POMC: variants seen among roughly 807,000 people sequenced by gnomAD.
The protein encoded by POMC is proopiomelanocortin.
Under a neutral mutation model 18.5 loss-of-function variants are expected in POMC, and 19 were observed. That is an observed-to-expected ratio of 1.03 (90% CI 0.72 to 1.51). The LOEUF (loss-of-function observed/expected upper bound fraction) is 1.51, where lower values mean the gene tolerates loss of function less well. Ranked by LOEUF, POMC falls within the 40% of genes most tolerant of loss-of-function variation. The pLI, the probability that POMC is intolerant of heterozygous loss-of-function variation, is 0.00. For synonymous variants in POMC, 179 were observed against 161.9 expected (o/e 1.11, Z -0.80); for missense variants, 451 against 379.0 (o/e 1.19, Z -1.58).
In POMC at chr2:25,161,261, G is replaced by T. The variant is rs1422785520; in HGVS notation, c.624C>A (p.Ser208Arg). The T allele has an allele frequency of 6.2e-7, 1 of 1,612,152 alleles. No homozygotes were observed. Among genetic ancestry groups the T allele is most frequent in the South Asian group, 1.1e-5 (1 of 90,824 alleles). Residue 208 changes from serine to arginine, a missense_variant, in exon 3 of 3, where the codon AGC (serine) becomes AGA (arginine). Coordinates refer to ENST00000395826, the MANE Select transcript of POMC (RefSeq NM_000939.4). This position sits in a 1 kb window ranked among gnomAD's most constrained non-coding sequence, Gnocchi z 5.7. The part of the protein sequence containing the change: ...GAGAQADLEH[S>R]LLVAAEKKDE... ...CCTTCTTCTCGGCCGCCACCAGCAG[G>T]CTGTGCTCCAGGTCGGCCTGGGCCC...
rs1364780962 is a variant in POMC at position 25,161,987 on chromosome 2, C to A, written c.133-235G>T. Among the ~76,000 whole-genome samples the A allele has an allele frequency of 6.6e-6, 1 of 152,216 alleles. No individual in the cohort carries two copies. Among genetic ancestry groups the A allele is most frequent in the Non-Finnish European group, 1.5e-5 (1 of 68,034 alleles). Reference sequence around the variant, plus strand: ...ACTGCCTCTTTTGTCCCATCCCCTTCATGCTTCTGCCTGGCAACTGCAACA... The same window carrying A: ...ACTGCCTCTTTTGTCCCATCCCCTTAATGCTTCTGCCTGGCAACTGCAACA... On this transcript the variant is annotated intron_variant, in intron 2 of 2. Transcript: ENST00000395826. This position sits in a 1 kb window ranked among gnomAD's most constrained non-coding sequence, Gnocchi z 5.7.
At position 25,168,477 on chromosome 2, in the gene POMC, T is replaced by C. The variant is rs1192402618; in HGVS notation, c.-21+21A>G. 1 of 151,746 alleles carries C rather than the reference T, an allele frequency of 6.6e-6. No homozygotes were observed. The highest frequency in any genetic ancestry group is 1.5e-5 in the Non-Finnish European group (1 of 67,936). 9.4% of individuals were successfully genotyped at this position (151,746 alleles called of 1,614,324 possible). On this transcript the variant is annotated intron_variant, in intron 1 of 2. Coordinates refer to ENST00000395826, the MANE Select transcript of POMC (RefSeq NM_000939.4). The surrounding 1 kb of genome is among the most constrained non-coding windows in gnomAD (Gnocchi z 5.2). ...GGGGATCCCGGGGAAAGAGCACGGG[T>C]CCCCCACGCTGCGCCCTTACCTGTC...
At position 25,161,367 on chromosome 2, in the gene POMC, G is replaced by A. The variant is rs924300699; in HGVS notation, c.518C>T (p.Pro173Leu). 8.1e-6 allele frequency: 13 copies of A among 1,606,292 alleles called. No homozygotes were observed. The highest frequency in any genetic ancestry group is 1.1e-5 in the Non-Finnish European group (13 of 1,176,752). The change falls in exon 3 of 3, where the codon CCC becomes CTC. Residue 173 changes from proline to leucine, a missense_variant. Coordinates refer to ENST00000395826, the MANE Select transcript of POMC (RefSeq NM_000939.4). The surrounding 1 kb of genome is among the most constrained non-coding windows in gnomAD (Gnocchi z 5.7). ...AGTCAGCTCCCTCTTGAACTCCAGG[G>A]GGAAGGCCTCGGCCGACTCGTCCTC... ...GAEDESAEAF[P>L]LEFKRELTGQ...
At chr2:25,166,126 C>T (rs1193860659) in intron 1 of POMC, among the ~76,000 whole-genome samples, 1 of 152,246 alleles carries the variant, frequency 6.6e-6, no homozygotes, top group Admixed American at 6.5e-5. Context: ...CCACTTCCTT[C>T]TCTCTACCCC....
chr2:25,161,101 C>T lies in POMC; in HGVS notation c.784G>A (p.Ala262Thr), dbSNP rs145696771. The T allele has an allele frequency of 2.5e-6, 4 of 1,613,754 alleles. No homozygotes were observed. The highest frequency in any genetic ancestry group is 3.4e-6 in the Non-Finnish European group (4 of 1,180,014). Residue 262 changes from alanine to threonine, a missense_variant, in exon 3 of 3, where the codon GCC becomes ACC. By Grantham distance (58) the Ala-to-Thr change is moderately conservative (BLOSUM62 0). Coordinates refer to ENST00000395826, the MANE Select transcript of POMC (RefSeq NM_000939.4). The surrounding 1 kb of genome is among the most constrained non-coding windows in gnomAD (Gnocchi z 5.7). ...TGCCCTCACTCGCCCTTCTTGTAGG[C>T]GTTCTTGATGATGGCGTTTTTGAAC... Reference protein sequence around the residue: ...TLFKNAIIKNAYKKGE With the variant: ...TLFKNAIIKNTYKKGE
Position 25,168,468 on chromosome 2 carries a change from G to C in POMC, c.-21+30C>G, listed in dbSNP as rs1671635498. ...ACGGGGACAGGGGATCCCGGGGAAA[G>C]AGCACGGGTCCCCCACGCTGCGCCC... On this transcript the variant is annotated intron_variant, in intron 1 of 2. Transcript: ENST00000395826. This position sits in a 1 kb window ranked among gnomAD's most constrained non-coding sequence, Gnocchi z 5.2. The C allele has an allele frequency of 6.6e-6, 1 of 152,262 alleles. No individual in the cohort carries two copies. The highest frequency in any genetic ancestry group is 1.5e-5 in the Non-Finnish European group (1 of 68,070). The allele number at this position is 152,262 out of a possible 1,614,324, so 9.4% of individuals were successfully genotyped here.
rs202042867 is a variant in POMC, at chr2:25,161,630, G to C, written c.255C>G (p.Asp85Glu). The C allele has an allele frequency of 7.0e-5, 108 of 1,553,332 alleles. No homozygotes were observed. In the African/African-American group the frequency reaches 1.3e-3, roughly 19 times the overall value. Residue 85 changes from aspartate (D) to glutamate (E), a missense_variant, in exon 3 of 3, where the codon GAC (aspartate) becomes GAG (glutamate). Physicochemically the swap from Asp to Glu is conservative, Grantham distance 45 (BLOSUM62 2). Coordinates refer to ENST00000395826, the MANE Select transcript of POMC (RefSeq NM_000939.4). The surrounding 1 kb of genome is among the most constrained non-coding windows in gnomAD (Gnocchi z 5.7). ...TGCTGCTGTTGCGGCGGCCGAATCG[G>C]TCCCAGCGGAAGTGGCCCATGACGT... ...RKYVMGHFRW[D>E]RFGRRNSSSS...
chr2:25,165,110 T>C (rs1288272355), intron 1 of POMC, among the ~76,000 whole-genome samples: 3 of 152,198 alleles, frequency 2.0e-5, no homozygotes, highest in Admixed American at 2.0e-4. Context: ...GATGGGAAAA[T>C]TGAAGCCCAA....
rs1259228711 is a variant in POMC at position 25,161,136 on chromosome 2, A to T, written c.749T>A (p.Leu250Gln). 1 of 1,608,252 alleles carries T rather than the reference A, an allele frequency of 6.2e-7. No individual in the cohort carries two copies. The highest frequency in any genetic ancestry group is 8.5e-7 in the Non-Finnish European group (1 of 1,178,910). The change falls in exon 3 of 3, where the codon CTG (leucine) becomes CAG (glutamine). Residue 250 changes from leucine to glutamine, a missense_variant. Coordinates refer to ENST00000395826, the MANE Select transcript of POMC (RefSeq NM_000939.4). This position sits in a 1 kb window ranked among gnomAD's most constrained non-coding sequence, Gnocchi z 5.7. ...FMTSEKSQTP[L>Q]VTLFKNAIIK... is the part of the protein sequence containing the mutation. ...GATGGCGTTTTTGAACAGCGTCACC[A>T]GGGGCGTCTGGCTCTTCTCGGAGGT...
At chr2:25,167,471 GGA>G (rs1671594911) in intron 1 of POMC, among the ~76,000 whole-genome samples, 1 of 152,124 alleles carries the variant, frequency 6.6e-6, no homozygotes, top group Non-Finnish European at 1.5e-5. Flanking sequence ...CCTCAACCCA[GGA>G]TCTGCGCCAT....
At position 25,161,300 on chromosome 2, in the gene POMC, G is replaced by T; in HGVS notation, c.585C>A (p.Ala195=). 6 of 1,609,950 alleles carry T rather than the reference G, an allele frequency of 3.7e-6. No individual in the cohort carries two copies. The highest frequency in any genetic ancestry group is 1.3e-5 in the African/African-American group (1 of 74,988). The change falls in exon 3 of 3, where the codon GCC becomes GCA. Residue 195 remains alanine, a synonymous_variant. Coordinates refer to ENST00000395826, the MANE Select transcript of POMC (RefSeq NM_000939.4). The surrounding 1 kb of genome is among the most constrained non-coding windows in gnomAD (Gnocchi z 5.7). Reference sequence around the variant, plus strand: ...CGGCCTGGGCCCCTGCGCCGTCATCGGCAGGGCCGTCGGGGCCATCTCCCT... The same window carrying T: ...CGGCCTGGGCCCCTGCGCCGTCATCTGCAGGGCCGTCGGGGCCATCTCCCT... ...LREGDGPDGP[A]DDGAGAQADL... is the part of the protein sequence containing the mutation.
intron 1 of POMC, 83 bp from the exon 2 acceptor site, chr2:25,164,875 C>T: frequency 2.1e-6 from 3 of 1,444,756 alleles, no homozygotes; most frequent in Non-Finnish European, 1.9e-6. Context: ...CTTGAGCCAA[C>T]ATTAACAACA....
At chr2:25,167,545 G>A (rs907733013) in intron 1 of POMC, among the ~76,000 whole-genome samples, 3 of 152,198 alleles carry the variant, frequency 2.0e-5, no homozygotes, top group Admixed American at 2.0e-4. Flanking sequence ...TCAGGATCTA[G>A]GACAGCTCCC....
rs774779177 is a variant in POMC at position 25,161,048 on chromosome 2, G to A, written c.*33C>T. ...CAAGGGGCTTTGGGGTCGACCTCCT[G>A]GGGGAGGGTAGCCCTGGGGCCCCGC... On this transcript the variant is annotated 3_prime_UTR_variant, in exon 3 of 3. Coordinates refer to ENST00000395826, the MANE Select transcript of POMC (RefSeq NM_000939.4). This position sits in a 1 kb window ranked among gnomAD's most constrained non-coding sequence, Gnocchi z 5.7. 3 of 1,613,650 alleles carry A rather than the reference G, an allele frequency of 1.9e-6. No individual in the cohort carries two copies. Among genetic ancestry groups the A allele is most frequent in the Non-Finnish European group, 2.5e-6 (3 of 1,179,930 alleles).
At chr2:25,162,752 A>G (rs920047936) in intron 2 of POMC, among the ~76,000 whole-genome samples, 5 of 152,214 alleles carry the variant, frequency 3.3e-5, no homozygotes, top group South Asian at 2.1e-4. Flanking sequence ...TAATGCCTCA[A>G]CCTTACCTCA....
At chr2:25,165,818 G>T (rs1671536400) in intron 1 of POMC, 1 of 152,194 alleles carries the variant, frequency 6.6e-6, no homozygotes. Context: ...AACCAGGTGG[G>T]CCCCCTGAAG....
At position 25,166,916 on chromosome 2, in the gene POMC, A is replaced by G. The variant is rs551516017; in HGVS notation, c.-21+1582T>C. On this transcript the variant is annotated intron_variant, in intron 1 of 2. Coordinates refer to ENST00000395826, the MANE Select transcript of POMC (RefSeq NM_000939.4). ...TGTGTCATTTTTAAAGCAACAAATT[A>G]TTGGGGAAATATCAAATGTTGTGCT... Among the ~76,000 whole-genome samples, 232 of 152,362 alleles carry G rather than the reference A, an allele frequency of 1.5e-3. 1 individual carries two copies. Among genetic ancestry groups the G allele is most frequent in the African/African-American group, 5.4e-3 (225 of 41,584 alleles).
In POMC at chr2:25,160,926, T is replaced by A. The variant is rs1414922587; in HGVS notation, c.*155A>T. 1.6e-6 allele frequency: 2 copies of A among 1,244,416 alleles called. No individual in the cohort carries two copies. Among genetic ancestry groups the A allele is most frequent in the Admixed American group, 2.8e-5 (1 of 35,668 alleles). 77.1% of individuals were successfully genotyped at this position (1,244,416 alleles called of 1,614,324 possible). Reference sequence around the variant, plus strand: ...TTCAAAGTCAGAGGTGGATGTGAAATTTGAAAGGTTTTATTTCCTAACTAC... The same window carrying A: ...TTCAAAGTCAGAGGTGGATGTGAAAATTGAAAGGTTTTATTTCCTAACTAC... On this transcript the variant is annotated 3_prime_UTR_variant, in exon 3 of 3. Coordinates refer to ENST00000395826, the MANE Select transcript of POMC (RefSeq NM_000939.4).
chr2:25,161,548 A>T lies in POMC; in HGVS notation c.337T>A (p.Cys113Ser), dbSNP rs1162318863. Reference sequence around the variant, plus strand: ...GGGCCGCCCTCAGGCAGCGGGCCGCAGTCTTCGCCCGCTGAGACGTCCTCG... The same window carrying T: ...GGGCCGCCCTCAGGCAGCGGGCCGCTGTCTTCGCCCGCTGAGACGTCCTCG... ...KREDVSAGED[C>S]GPLPEGGPEP... is the part of the protein sequence containing the mutation. Residue 113 changes from cysteine (C) to serine (S), a missense_variant, in exon 3 of 3, where the codon TGC becomes AGC. Transcript: ENST00000395826. This position sits in a 1 kb window ranked among gnomAD's most constrained non-coding sequence, Gnocchi z 5.7. 6.3e-7 allele frequency: 1 copy of T among 1,576,134 alleles called. No individual in the cohort carries two copies. Among genetic ancestry groups the T allele is most frequent in the Non-Finnish European group, 8.6e-7 (1 of 1,161,302 alleles).
Sources: gnomAD v4.1 joint callset for allele counts (sites outside exome capture counted in the v4.1 genomes callset) on GRCh38, gnomAD v4.1.1 for gene constraint, Gnocchi (gnomAD v3.1) non-coding constraint, MANE v1.5 for transcripts, NCBI Gene and HGNC (gene_info 2026-07-23, HGNC 2026-07-21) for gene names.